C2orf92: variants seen among roughly 807,000 people sequenced by gnomAD.
C2orf92 encodes uncharacterized protein C2orf92.
At position 97,684,346 on chromosome 2, in the gene C2orf92, T is replaced by G. The variant is rs560688050; in HGVS notation, c.233-4549T>G. 2.0e-3 allele frequency among the ~76,000 whole-genome samples: 311 copies of G among 152,232 alleles called. 2 individuals are homozygous for G. Among genetic ancestry groups the G allele is most frequent in the African/African-American group, 6.3e-3 (261 of 41,546 alleles). ...CACCGTGCCCGGCCAGTCAATTGAT[T>G]TTCAACAAGGATGTCAAAGCCAACA... is the stretch of plus-strand genomic sequence containing the variant. On this transcript the variant is annotated intron_variant, in intron 3 of 7. Coordinates refer to ENST00000627399, the MANE Select transcript of C2orf92 (RefSeq NM_001351368.2).
chr2:97,679,544 T>A (rs1232772398), intron 3 of C2orf92, among the ~76,000 whole-genome samples: 2 of 150,296 alleles, frequency 1.3e-5, no homozygotes, highest in Non-Finnish European at 1.5e-5. Context: ...AACAAAAGAG[T>A]AAAAGAAAGA....
chr2:97,690,521 TG>T (rs1229928910), intron 5 of C2orf92, among the ~76,000 whole-genome samples, 194 bp downstream of exon 5: 3 of 150,952 alleles, frequency 2.0e-5, no homozygotes, highest in African/African-American at 7.3e-5. Flanking sequence ...GCTGTGACTA[TG>T]GGGGCCCGCT....
At chr2:97,667,975 A>T (rs1232056222), upstream of C2orf92, 1 of 152,168 alleles carries the variant, frequency 6.6e-6, no homozygotes, top group Non-Finnish European at 1.5e-5. Context: ...TTACGCTTTC[A>T]GCATTTGCAA....
intron 1 of C2orf92, among the ~76,000 whole-genome samples, chr2:97,673,998 T>G (rs949531627): frequency 2.0e-5 from 3 of 152,208 alleles, no homozygotes; most frequent in African/African-American, 7.2e-5. Context: ...CGGTTAAGAA[T>G]GCACCTGGCT....
chr2:97,673,564 G>A (rs754534582), intron 1 of C2orf92, among the ~76,000 whole-genome samples: 4 of 152,094 alleles, frequency 2.6e-5, no homozygotes, highest in Non-Finnish European at 4.4e-5. Context: ...AATAAATACT[G>A]TGGTCAACTG....
intron 3 of C2orf92, among the ~76,000 whole-genome samples, chr2:97,688,585 G>C (rs1676038027): frequency 6.6e-6 from 1 of 152,090 alleles, no homozygotes; most frequent in Non-Finnish European, 1.5e-5. Context: ...CAGCCTCAAA[G>C]GTGCATCAGA....
intron 3 of C2orf92, among the ~76,000 whole-genome samples, chr2:97,683,162 A>G (rs1675837380): frequency 1.3e-5 from 2 of 151,878 alleles, no homozygotes; most frequent in Non-Finnish European, 1.5e-5. Flanking sequence ...TGGGGTACAA[A>G]TTGAACACAC....
chr2:97,671,050 C>G (rs1675396795), intron 1 of C2orf92: 1 of 153,004 alleles, frequency 6.5e-6, no homozygotes, highest in African/African-American at 2.4e-5. Context: ...TTCCCAGGTT[C>G]AAGTGATTAT....
upstream of C2orf92, chr2:97,664,190 C>G (rs1394747205): frequency 5.3e-6 from 1 of 187,242 alleles, no homozygotes; most frequent in Non-Finnish European, 1.1e-5. Flanking sequence ...GCGGCGTTGC[C>G]AAGGTAGGCT....
At chr2:97,665,799 A>G (rs374520814), upstream of C2orf92, 1 of 143,160 alleles carries the variant, frequency 7.0e-6, no homozygotes, top group Admixed American at 7.3e-5. Flanking sequence ...TTTTTTTGAG[A>G]CAGGGTCTCA....
rs531323130 is a variant in C2orf92 at position 97,701,073 on chromosome 2, G to A, written c.515-81G>A. On this transcript the variant is annotated intron_variant, in intron 6 of 7. Transcript: ENST00000627399. Reference sequence around the variant, plus strand: ...ATTCTGTTATGAATGGAATGAACAGGTGTCCCTTGCAGGCTTAGTCCTGGT... The same window carrying A: ...ATTCTGTTATGAATGGAATGAACAGATGTCCCTTGCAGGCTTAGTCCTGGT... The A allele has an allele frequency of 4.8e-5, 19 of 396,480 alleles. 1 individual carries two copies. The highest frequency in any genetic ancestry group is 2.5e-4 in the African/African-American group (12 of 48,734). The allele number at this position is 396,480 out of a possible 1,614,324, so 24.6% of individuals were successfully genotyped here.
At chr2:97,681,175 C>T (rs1008370614) in intron 3 of C2orf92, among the ~76,000 whole-genome samples, 20 of 124,324 alleles carry the variant, frequency 1.6e-4, no homozygotes, top group Non-Finnish European at 3.2e-4. Flanking sequence ...TAGACTTGAA[C>T]AGCACTCTAA....
intron 1 of C2orf92, chr2:97,670,407 A>G (rs1257999906): frequency 6.6e-6 from 1 of 151,860 alleles, no homozygotes; most frequent in East Asian, 1.9e-4. Flanking sequence ...TGGGATGATC[A>G]CTTGAGCCCA....
intron 7 of C2orf92, among the ~76,000 whole-genome samples, chr2:97,702,374 T>C (rs537158287): frequency 2.6e-5 from 4 of 152,224 alleles, no homozygotes; most frequent in South Asian, 2.1e-4. Flanking sequence ...CCTGCCATTT[T>C]CCCTCCATGC....
At chr2:97,673,403 G>GA (rs541153458) in intron 1 of C2orf92, among the ~76,000 whole-genome samples, 12 of 152,178 alleles carry the variant, frequency 7.9e-5, no homozygotes, top group Admixed American at 2.0e-4. Flanking sequence ...TGTAGCTCAT[G>GA]AGCTAGTGTT....
In C2orf92 at chr2:97,683,201, C is replaced by T. The variant is rs78487770; in HGVS notation, c.233-5694C>T. Among the ~76,000 whole-genome samples, 528 of 151,346 alleles carry T rather than the reference C, an allele frequency of 3.5e-3. 3 individuals carry two copies. Among genetic ancestry groups the T allele is most frequent in the Non-Finnish European group, 4.9e-3 (334 of 67,906 alleles). On this transcript the variant is annotated intron_variant, in intron 3 of 7. Coordinates refer to ENST00000627399, the MANE Select transcript of C2orf92 (RefSeq NM_001351368.2). ...AATCAGCTGTGTTTTTATACACTAA[C>T]GATATATACACTAATAATCCAAACA... is the stretch of plus-strand genomic sequence containing the variant.
intron 4 of C2orf92, among the ~76,000 whole-genome samples, chr2:97,689,489 T>C (rs1473626851): frequency 6.6e-6 from 1 of 152,188 alleles, no homozygotes; most frequent in African/African-American, 2.4e-5. Flanking sequence ...AAGAACACAC[T>C]GTTTCCCCAA....
At chr2:97,665,731 CTCTCTCTATATATATATATATA>C (rs1313220337), upstream of C2orf92, 56 of 23,240 alleles carry the variant, frequency 2.4e-3, no homozygotes, top group African/African-American at 7.3e-3. Flanking sequence ...CTCTCTCTCT[CTCTCTCTATATATATATATATA>C]TATATATATA....
At chr2:97,688,775 A>C in intron 3 of C2orf92, 120 bp from the exon 4 acceptor site, 1 of 396,350 alleles carries the variant, frequency 2.5e-6, no homozygotes, top group East Asian at 3.6e-5. Context: ...ATAACGTCCC[A>C]TATCTGTGGC....
Sources: gnomAD v4.1 joint callset for allele counts (sites outside exome capture counted in the v4.1 genomes callset) on GRCh38, gnomAD v4.1.1 for gene constraint, MANE v1.5 for transcripts, NCBI Gene and HGNC (gene_info 2026-07-23, HGNC 2026-07-21) for gene names.